Variants in BIN3 observed in about 807,000 individuals in gnomAD.
BIN3 encodes the protein bridging integrator 3.
A neutral mutation model predicts 38.2 loss-of-function variants in BIN3; 41 were observed. That is an observed-to-expected ratio of 1.07 (90% CI 0.84 to 1.39). The LOEUF is 1.39. BIN3 is among the 40% of genes most tolerant of loss of function. The probability of loss-of-function intolerance (pLI) is 0.00; values close to 1 mark genes in which losing one functional copy is unlikely to be tolerated. For synonymous variants in BIN3, 145 were observed against 122.6 expected, an observed-to-expected ratio of 1.18 and a Z score of -1.21; for missense variants, 361 against 324.3, an observed-to-expected ratio of 1.11 and a Z score of -0.87.
At chr8:22,634,311 G>T in intron 4 of BIN3, 1 of 350,892 alleles carries the variant, frequency 2.8e-6, no homozygotes, top group Non-Finnish European at 5.6e-6. Flanking sequence ...GGAGCAAGGT[G>T]CATGTTCAGA....
At chr8:22,647,264 C>T (rs1057091729) in intron 1 of BIN3, among the ~76,000 whole-genome samples, 6 of 152,176 alleles carry the variant, frequency 3.9e-5, no homozygotes, top group Non-Finnish European at 7.3e-5. Context: ...GAATCAGAAA[C>T]GTAGATTCCA....
At position 22,623,904 on chromosome 8, in the gene BIN3, G is replaced by A. The variant is rs748219851; in HGVS notation, c.615+11C>T. 2 of 1,610,564 alleles carry A rather than the reference G, an allele frequency of 1.2e-6. No homozygotes were observed. The highest frequency in any genetic ancestry group is 1.7e-6 in the Non-Finnish European group (2 of 1,178,882). ...TACCAAGCCCAGGGGAAGAGCACCT[G>A]GCGGCCTCACCTGAGCTCGGATGAG... On this transcript the variant is annotated intron_variant, in intron 8 of 8. Coordinates refer to ENST00000276416, the MANE Select transcript of BIN3 (RefSeq NM_018688.6).
chr8:22,627,309 G>T (rs1802033416), intron 6 of BIN3, among the ~76,000 whole-genome samples: 1 of 152,080 alleles, frequency 6.6e-6, no homozygotes, highest in African/African-American at 2.4e-5. Flanking sequence ...GGTGGCTGAA[G>T]AGTAGTGGAC....
At chr8:22,660,446 C>G (rs1435183633) in intron 1 of BIN3, among the ~76,000 whole-genome samples, 1 of 152,230 alleles carries the variant, frequency 6.6e-6, no homozygotes, top group African/African-American at 2.4e-5. Context: ...TTAATCTCAC[C>G]TTTGCTCCTG....
intron 4 of BIN3, among the ~76,000 whole-genome samples, chr8:22,632,768 G>T (rs964307090): frequency 5.5e-5 from 8 of 145,354 alleles, no homozygotes; most frequent in African/African-American, 1.0e-4. Context: ...GAGTGCAATG[G>T]CATCATCTCG....
chr8:22,639,944 C>A (rs1181828300), intron 2 of BIN3, among the ~76,000 whole-genome samples: 1 of 152,162 alleles, frequency 6.6e-6, no homozygotes, highest in African/African-American at 2.4e-5. Context: ...TCACCGCAAC[C>A]TCCGCCTCCC....
rs35513451 is a variant in BIN3 at position 22,643,336 on chromosome 8, C to CTT, written c.57+1417_57+1418dup. Among the ~76,000 whole-genome samples, 113 of 150,226 alleles carry CTT rather than the reference C, an allele frequency of 7.5e-4. No homozygotes were observed. In the South Asian group the frequency reaches 8.0e-3, roughly 11 times the overall value. On this transcript the variant is annotated intron_variant, in intron 2 of 8. Transcript: ENST00000276416. ...GAAGCAGAGAGGCCCCACCCCCCAA[C>CTT]TTTTTTTTTTAACAGACAGGGTCTC...
At chr8:22,626,453 G>C (rs558647752) in intron 6 of BIN3, 9 of 152,388 alleles carry the variant, frequency 5.9e-5, no homozygotes, top group African/African-American at 1.9e-4. Flanking sequence ...AGCTGGGCCT[G>C]AGAGGCTACC....
chr8:22,624,787 C>A, intron 6 of BIN3: 1 of 198,650 alleles, frequency 5.0e-6, no homozygotes, highest in South Asian at 1.2e-4. Context: ...GTCATCTGGC[C>A]AACACCTCAC....
At chr8:22,639,222 T>C (rs1461474959) in intron 2 of BIN3, among the ~76,000 whole-genome samples, 2 of 151,934 alleles carry the variant, frequency 1.3e-5, no homozygotes, top group African/African-American at 2.4e-5. Flanking sequence ...GGAGACTTGA[T>C]AGTACTAAGC....
intron 1 of BIN3, among the ~76,000 whole-genome samples, chr8:22,668,840 G>A (rs1421234852): frequency 6.6e-6 from 1 of 152,234 alleles, no homozygotes; most frequent in African/African-American, 2.4e-5. Context: ...AGGATCATCC[G>A]CCACTCTCCC....
chr8:22,657,927 C>T (rs184148288), intron 1 of BIN3, among the ~76,000 whole-genome samples: 25 of 152,308 alleles, frequency 1.6e-4, no homozygotes, highest in Admixed American at 5.9e-4. Context: ...CACAGCAGCC[C>T]GGGGTTGGCA....
At chr8:22,653,692 G>A (rs1802968704) in intron 1 of BIN3, among the ~76,000 whole-genome samples, 1 of 152,160 alleles carries the variant, frequency 6.6e-6, no homozygotes, top group Admixed American at 6.5e-5. Context: ...GTAAAAGCAG[G>A]AATGAAGACA....
At chr8:22,644,721 C>T (rs902913091) in intron 2 of BIN3, 34 bp downstream of exon 2, 1 of 1,601,468 alleles carries the variant, frequency 6.2e-7, no homozygotes, top group Non-Finnish European at 8.5e-7. Flanking sequence ...TGATACAGAA[C>T]TGAATCTCAC....
At chr8:22,624,963 A>G (rs1075480) in intron 6 of BIN3, 22,869 of 273,562 alleles carry the variant, frequency 0.084, 2,374 homozygotes, top group African/African-American at 0.29. Context: ...ACTGAAATCT[A>G]AACTCACCCC....
intron 8 of BIN3, among the ~76,000 whole-genome samples, chr8:22,623,475 C>G (rs1362587207): frequency 6.6e-6 from 1 of 152,154 alleles, no homozygotes. Context: ...GGACTCCCGC[C>G]GTTTCCTGCT....
At chr8:22,642,243 T>C (rs1418671899) in intron 2 of BIN3, among the ~76,000 whole-genome samples, 1 of 145,200 alleles carries the variant, frequency 6.9e-6, no homozygotes, top group Non-Finnish European at 1.5e-5. Flanking sequence ...TGAAAGTGCC[T>C]GGGCAAGAAC....
At chr8:22,664,531 T>C (rs1803350387) in intron 1 of BIN3, among the ~76,000 whole-genome samples, 1 of 152,262 alleles carries the variant, frequency 6.6e-6, no homozygotes, top group Non-Finnish European at 1.5e-5. Context: ...GGACTTCCTC[T>C]ATCACTTATG....
At chr8:22,626,577 G>A (rs1263009884) in intron 6 of BIN3, 1 of 152,430 alleles carries the variant, frequency 6.6e-6, no homozygotes, top group Non-Finnish European at 1.5e-5. Flanking sequence ...CCAGTGCCTG[G>A]GCCTTGTGGG....
Sources: allele counts gnomAD v4.1 joint callset (sites outside exome capture counted in the v4.1 genomes callset), GRCh38; gene constraint gnomAD v4.1.1; transcripts MANE v1.5; gene names NCBI Gene and HGNC (gene_info 2026-07-23, HGNC 2026-07-21).